The following HEG1 variants were observed in gnomAD, a reference collection of about 807,000 sequenced individuals.
HEG1 encodes the protein heart development protein with EGF like domains 1.
In HEG1, 56 loss-of-function variants were observed where a neutral mutation model predicts 125.6. That is an observed-to-expected ratio of 0.45 (90% CI 0.36 to 0.56). The LOEUF (loss-of-function observed/expected upper bound fraction) is 0.56. Among genes scored for constraint, HEG1 ranks in the 20% least tolerant of loss-of-function variants. The probability of loss-of-function intolerance (pLI) is 0.00; values close to 1 mark genes in which losing one functional copy is unlikely to be tolerated. For missense variants in HEG1, 1,523 were observed against 1,670.0 expected, an observed-to-expected ratio of 0.91 and a Z score of 1.53; for synonymous variants, 644 against 668.5, an observed-to-expected ratio of 0.96 and a Z score of 0.57.
chr3:124,984,200 A>G (rs1297359721), intron 14 of HEG1, among the ~76,000 whole-genome samples: 1 of 152,178 alleles, frequency 6.6e-6, no homozygotes, highest in Non-Finnish European at 1.5e-5. Context: ...GACAGTGTAG[A>G]AAGATATTTA....
Position 125,055,877 on chromosome 3 carries a change from C to T in HEG1, c.14G>A (p.Arg5His). ...GAGCGGCGGCGGCCACCGCGAGGCG[C>T]GCGGCGAGGCCATGGTGACGGCGCC... is the stretch of plus-strand genomic sequence containing the variant. MASPRASRWPPPLLL... is the reference protein window; with the variant it reads MASPHASRWPPPLLL... Residue 5 changes from arginine to histidine, a missense_variant, in exon 1 of 17, where the codon CGC (arginine) becomes CAC (histidine). By Grantham distance (29) the Arg-to-His change is conservative. Coordinates refer to ENST00000311127, the MANE Select transcript of HEG1 (RefSeq NM_020733.2). 1.0e-6 allele frequency: 1 copy of T among 983,196 alleles called. No individual in the cohort carries two copies. The highest frequency in any genetic ancestry group is 4.5e-5 in the South Asian group (1 of 22,146). 60.9% of individuals were successfully genotyped at this position (983,196 alleles called of 1,614,324 possible).
rs945515306 is a variant in HEG1, at chr3:125,025,302, G to C, written c.913+1903C>G. ...GGGGAGGAGGGGAGGTTGGCAGGAT[G>C]GATTCAGACATACTTGGATGCCTGG... On this transcript the variant is annotated intron_variant, in intron 3 of 16. Transcript: ENST00000311127. 2.0e-5 allele frequency among the ~76,000 whole-genome samples: 3 copies of C among 152,182 alleles called. 1 individual carries two copies. The South Asian group carries it at 6.2e-4, about 32-fold the overall frequency.
intron 1 of HEG1, among the ~76,000 whole-genome samples, chr3:125,039,355 G>A (rs546979682): frequency 6.6e-6 from 1 of 152,186 alleles, no homozygotes; most frequent in South Asian, 2.1e-4. Flanking sequence ...CAGTGATTTG[G>A]GGCTTTTCAG....
At chr3:125,022,183 G>A (rs137960329) in intron 3 of HEG1, among the ~76,000 whole-genome samples, 13 of 152,274 alleles carry the variant, frequency 8.5e-5, no homozygotes, top group Admixed American at 7.8e-4. Flanking sequence ...AACATGGTGG[G>A]TAAGACTAAA....
chr3:125,036,209 C>CAAAAAAAAAA (rs10658772), intron 1 of HEG1, among the ~76,000 whole-genome samples: 68 of 70,530 alleles, frequency 9.6e-4, no homozygotes, highest in East Asian at 2.0e-3. Flanking sequence ...GACCCTGTCT[C>CAAAAAAAAAA]AAAAAAAAAA....
At chr3:124,977,087 C>T (rs1177371179) in intron 15 of HEG1, among the ~76,000 whole-genome samples, 1 of 107,340 alleles carries the variant, frequency 9.3e-6, no homozygotes, top group Non-Finnish European at 1.8e-5. Context: ...AAATGAGTCT[C>T]ATGAGATCTG....
At chr3:125,055,325 G>A (rs983725433) in intron 1 of HEG1, among the ~76,000 whole-genome samples, 2 of 152,102 alleles carry the variant, frequency 1.3e-5, no homozygotes, top group South Asian at 2.1e-4. Context: ...GAGATACAGG[G>A]TACCCCATAG....
chr3:125,009,297 T>C (rs1937116359), intron 8 of HEG1, among the ~76,000 whole-genome samples: 7 of 152,202 alleles, frequency 4.6e-5, no homozygotes, highest in Non-Finnish European at 8.8e-5. Context: ...TTTTTTTTTT[T>C]TTTATTATGT....
intron 1 of HEG1, among the ~76,000 whole-genome samples, chr3:125,032,788 A>T (rs1937513168): frequency 6.6e-6 from 1 of 152,206 alleles, no homozygotes; most frequent in Non-Finnish European, 1.5e-5. Context: ...GCCAGCTCTG[A>T]GCAAAGGGAA....
chr3:125,040,139 T>C (rs1439430976), intron 1 of HEG1, among the ~76,000 whole-genome samples: 1 of 152,212 alleles, frequency 6.6e-6, no homozygotes, highest in African/African-American at 2.4e-5. Flanking sequence ...AAGTCTGTTT[T>C]TGATATGTGA....
chr3:125,016,870 C>A, intron 5 of HEG1, among the ~76,000 whole-genome samples: 1 of 152,072 alleles, frequency 6.6e-6, no homozygotes, highest in East Asian at 1.9e-4. Flanking sequence ...AAAATTATCC[C>A]TAAGCATTAT....
Position 124,973,865 on chromosome 3 carries a change from C to T in HEG1, c.3862G>A (p.Gly1288Arg). The T allele has an allele frequency of 2.5e-6, 4 of 1,613,162 alleles. No homozygotes were observed. Among genetic ancestry groups the T allele is most frequent in the Admixed American group, 1.7e-5 (1 of 59,966 alleles). Residue 1288 changes from glycine (G) to arginine (R), a missense_variant, in exon 16 of 17, where the codon GGA becomes AGA. Physicochemically the swap from Gly to Arg is moderately radical, Grantham distance 125. Coordinates refer to ENST00000311127, the MANE Select transcript of HEG1 (RefSeq NM_020733.2). ...NDISKLIFKS[G>R]DFQMSPYAEY... ...GCATACGGGGACATTTGGAAATCTCCACTTTTGAAGATGAGTTTGCTTATG... is the reference window on the plus strand; with the variant it reads ...GCATACGGGGACATTTGGAAATCTCTACTTTTGAAGATGAGTTTGCTTATG...
At chr3:124,970,995 G>C (rs1936413502) in intron 16 of HEG1, 194 bp from the exon 17 acceptor site, 1 of 632,930 alleles carries the variant, frequency 1.6e-6, no homozygotes, top group Non-Finnish European at 2.8e-6. Context: ...AATCCTTCCT[G>C]TCCCAGCAAC....
chr3:124,991,369 C>G (rs906324767), intron 12 of HEG1, among the ~76,000 whole-genome samples: 2 of 151,988 alleles, frequency 1.3e-5, no homozygotes, highest in African/African-American at 4.8e-5. Flanking sequence ...AGGCTTGTCT[C>G]GAACTCCTGA....
chr3:124,976,015 C>G (rs1194478220), intron 15 of HEG1, among the ~76,000 whole-genome samples: 1 of 152,210 alleles, frequency 6.6e-6, no homozygotes, highest in East Asian at 1.9e-4. Flanking sequence ...TACCTTTTCA[C>G]TTCTCTTGAT....
At chr3:125,047,092 G>A (rs1427768645) in intron 1 of HEG1, among the ~76,000 whole-genome samples, 3 of 152,274 alleles carry the variant, frequency 2.0e-5, no homozygotes, top group Admixed American at 2.0e-4. Flanking sequence ...TAAGAAGCAA[G>A]AGAGAGTTCT....
At position 124,997,805 on chromosome 3, in the gene HEG1, C is replaced by T. The variant is rs576650792; in HGVS notation, c.3536G>A (p.Arg1179Gln). 1.8e-5 allele frequency: 29 copies of T among 1,579,558 alleles called. No homozygotes were observed. Among genetic ancestry groups the T allele is most frequent in the Admixed American group, 1.4e-4 (8 of 57,808 alleles). The change falls in exon 12 of 17, where the codon CGG (arginine) becomes CAG (glutamine). Residue 1179 changes from arginine (R) to glutamine (Q), a missense_variant. Physicochemically the swap from Arg to Gln is conservative, Grantham distance 43. Transcript: ENST00000311127. Reference protein sequence around the residue: ...RIFRAGSLCKRKSPECDKDTS... With the variant: ...RIFRAGSLCKQKSPECDKDTS... ...GTCTTTGTCACATTCGGGACTCTTC[C>T]GCTTGCACAAGCTGCCCGCTGGAAT...
chr3:125,001,818 T>A (rs201306195), intron 11 of HEG1, 34 bp downstream of exon 11: 2 of 1,600,436 alleles, frequency 1.2e-6, no homozygotes, highest in East Asian at 4.5e-5. Context: ...CCTAACTATA[T>A]GGGTAGGATC....
At chr3:124,978,509 G>A (rs1936588818) in intron 14 of HEG1, among the ~76,000 whole-genome samples, 1 of 152,074 alleles carries the variant, frequency 6.6e-6, no homozygotes, top group Non-Finnish European at 1.5e-5. Flanking sequence ...CTGTGCACCA[G>A]CCCCGATGAA....
Sources: allele counts gnomAD v4.1 joint callset (sites outside exome capture counted in the v4.1 genomes callset), GRCh38; gene constraint gnomAD v4.1.1; transcripts MANE v1.5; gene names NCBI Gene and HGNC (gene_info 2026-07-23, HGNC 2026-07-21).